ADCY5: variants seen among roughly 807,000 people sequenced by gnomAD.
The protein encoded by ADCY5 is adenylate cyclase type 5.
Under a neutral mutation model 119.7 loss-of-function variants are expected in ADCY5, and 30 were observed. That is an observed-to-expected ratio of 0.25 (90% CI 0.19 to 0.34). The LOEUF (loss-of-function observed/expected upper bound fraction) is 0.34, where lower values mean the gene tolerates loss of function less well. Among genes scored for constraint, ADCY5 ranks in the 10% least tolerant of loss-of-function variants. The pLI, the probability that ADCY5 is intolerant of heterozygous loss-of-function variation, is 1.00. For synonymous variants in ADCY5, 753 were observed against 762.2 expected (o/e 0.99, Z 0.20); for missense variants, 1,324 against 1,775.2 (o/e 0.75, Z 4.57).
At position 123,286,664 on chromosome 3, in the gene ADCY5, G is replaced by A; in HGVS notation, c.3657+21C>T. 2.5e-6 allele frequency: 4 copies of A among 1,591,586 alleles called. No individual in the cohort carries two copies. The highest frequency in any genetic ancestry group is 1.7e-4 in the Middle Eastern group (1 of 5,924). ...CAGGACCTCCCATGGGGTGAGGGGTGGTGGATGCTCCTGCACTCACCTGGA... is the reference window on the plus strand; with the variant it reads ...CAGGACCTCCCATGGGGTGAGGGGTAGTGGATGCTCCTGCACTCACCTGGA... On this transcript the variant is annotated intron_variant, in intron 20 of 20. Transcript: ENST00000462833. The surrounding 1 kb of genome is among the most constrained non-coding windows in gnomAD (Gnocchi z 4.2).
In ADCY5 at chr3:123,448,431, C is replaced by A; in HGVS notation, c.115G>T (p.Ala39Ser). Residue 39 changes from alanine (A) to serine (S), a missense_variant, in exon 1 of 21, where the codon GCG becomes TCG. Physicochemically the swap from Ala to Ser is moderately conservative, Grantham distance 99 (BLOSUM62 1). Transcript: ENST00000462833. ...CCGGGGGCATGGGGGTAGCCATTCG[C>A]GCGGGAATCGGCCTCGCCCCACGCA... is the stretch of plus-strand genomic sequence containing the variant. ...RSAWGEADSR[A>S]NGYPHAPGGS... The A allele has an allele frequency of 1.5e-6, 2 of 1,359,422 alleles. No homozygotes were observed. The highest frequency in any genetic ancestry group is 1.9e-6 in the Non-Finnish European group (2 of 1,058,312). The allele number at this position is 1,359,422 out of a possible 1,614,324, so 84.2% of individuals were successfully genotyped here. A position where few individuals can be genotyped will look rare whatever the true frequency, so the allele number is the denominator to read the frequency against.
chr3:123,291,699 T>A lies in ADCY5; in HGVS notation c.3064-323A>T, dbSNP rs539384305. ...CCTGGAGGTGAGGCTGCAAGGATCC[T>A]GTCTGCCAAAGGCCAGAACCAGGCT... On this transcript the variant is annotated intron_variant, in intron 17 of 20. Coordinates refer to ENST00000462833, the MANE Select transcript of ADCY5 (RefSeq NM_183357.3). 2.6e-5 allele frequency among the ~76,000 whole-genome samples: 4 copies of A among 152,310 alleles called. No homozygotes were observed. The South Asian group carries it at 8.3e-4, about 32-fold the overall frequency.
At chr3:123,320,581 T>G (rs1355105934) in intron 9 of ADCY5, among the ~76,000 whole-genome samples, 168 bp downstream of exon 9, 2 of 152,208 alleles carry the variant, frequency 1.3e-5, no homozygotes, top group Non-Finnish European at 2.9e-5. Flanking sequence ...CTGGCCTGTC[T>G]GGGGCTGCTG....
chr3:123,390,579 C>T (rs1944375517), intron 1 of ADCY5, among the ~76,000 whole-genome samples: 1 of 152,160 alleles, frequency 6.6e-6, no homozygotes, highest in Non-Finnish European at 1.5e-5. Flanking sequence ...TTTCAGAGGC[C>T]CAAAGGAAGA....
chr3:123,370,790 CT>C (rs1184131317), intron 1 of ADCY5, among the ~76,000 whole-genome samples: 2 of 152,174 alleles, frequency 1.3e-5, no homozygotes, highest in Non-Finnish European at 2.9e-5. Context: ...TGGCAAGCCC[CT>C]ATCCCATCCC....
intron 19 of ADCY5, among the ~76,000 whole-genome samples, chr3:123,289,060 A>G (rs890657100): frequency 1.3e-5 from 2 of 152,260 alleles, no homozygotes; most frequent in African/African-American, 4.8e-5. Flanking sequence ...TAAAAAGAGT[A>G]AAAAGTAACT....
chr3:123,429,943 G>A (rs981732108), intron 1 of ADCY5, among the ~76,000 whole-genome samples: 6 of 152,066 alleles, frequency 3.9e-5, no homozygotes, highest in Admixed American at 3.9e-4. Flanking sequence ...CAGCAGGAGT[G>A]TCAGCGGGGG....
rs75478304 is a variant in ADCY5, at chr3:123,326,218, C to T, written c.1948-756G>A. On this transcript the variant is annotated intron_variant, in intron 7 of 20. Coordinates refer to ENST00000462833, the MANE Select transcript of ADCY5 (RefSeq NM_183357.3). ...TTTGGGTCAGTGAAGTTATGAGATTCAAGAGCTGACAGGCATTGTACAAAT... is the reference window on the plus strand; with the variant it reads ...TTTGGGTCAGTGAAGTTATGAGATTTAAGAGCTGACAGGCATTGTACAAAT... Among the ~76,000 whole-genome samples, 492 of 152,354 alleles carry T rather than the reference C, an allele frequency of 3.2e-3. 2 individuals are homozygous for T. Among genetic ancestry groups the T allele is most frequent in the African/African-American group, 0.011 (478 of 41,574 alleles).
Position 123,379,085 on chromosome 3 carries a change from C to T in ADCY5, c.1135-26504G>A, listed in dbSNP as rs74895836. Among the ~76,000 whole-genome samples the T allele has an allele frequency of 7.3e-3, 1,117 of 152,210 alleles. 8 individuals are homozygous for T. The highest frequency in any genetic ancestry group is 0.026 in the African/African-American group (1,067 of 41,520). On this transcript the variant is annotated intron_variant, in intron 1 of 20. Coordinates refer to ENST00000462833, the MANE Select transcript of ADCY5 (RefSeq NM_183357.3). ...AGTTTCCACGAAGGCTGAGATTCTC[C>T]AAGCTGCATGAAGTCCTGGGGACTG...
At chr3:123,446,686 C>T (rs1945821217) in intron 1 of ADCY5, among the ~76,000 whole-genome samples, 1 of 152,174 alleles carries the variant, frequency 6.6e-6, no homozygotes, top group South Asian at 2.1e-4. Flanking sequence ...ATAAAATGTC[C>T]CTACCACAAG....
chr3:123,347,387 T>G (rs1182689354), intron 3 of ADCY5, among the ~76,000 whole-genome samples: 1 of 152,134 alleles, frequency 6.6e-6, no homozygotes, highest in African/African-American at 2.4e-5. Context: ...CGCACTGGCT[T>G]AGGAGGCATG....
At chr3:123,433,804 C>A (rs547977690) in intron 1 of ADCY5, among the ~76,000 whole-genome samples, 1 of 152,136 alleles carries the variant, frequency 6.6e-6, no homozygotes, top group African/African-American at 2.4e-5. Flanking sequence ...ACGGGCTGTG[C>A]GGCAGCCTCA....
chr3:123,336,236 G>A (rs1428962182), intron 3 of ADCY5, among the ~76,000 whole-genome samples: 2 of 152,288 alleles, frequency 1.3e-5, no homozygotes, highest in East Asian at 3.9e-4. Flanking sequence ...CTGCCTCCCA[G>A]GCACCTGCCC....
At chr3:123,302,219 C>G (rs1379169383) in intron 14 of ADCY5, among the ~76,000 whole-genome samples, 4 of 152,264 alleles carry the variant, frequency 2.6e-5, no homozygotes, top group Admixed American at 2.6e-4. Flanking sequence ...AGCCCAGCTG[C>G]TGACAGCGAA....
intron 3 of ADCY5, among the ~76,000 whole-genome samples, chr3:123,334,402 T>C (rs1430133409): frequency 6.6e-6 from 1 of 152,216 alleles, no homozygotes; most frequent in Admixed American, 6.5e-5. Flanking sequence ...GAACTAAACA[T>C]ATTTTGTCCT....
At chr3:123,365,893 G>A (rs1468326334) in intron 1 of ADCY5, among the ~76,000 whole-genome samples, 2 of 152,044 alleles carry the variant, frequency 1.3e-5, no homozygotes, top group African/African-American at 4.8e-5. Flanking sequence ...GGCAGAGGGA[G>A]GGGAGGGGCC....
At chr3:123,396,768 AG>A (rs1944592749) in intron 1 of ADCY5, among the ~76,000 whole-genome samples, 1 of 99,314 alleles carries the variant, frequency 1.0e-5, no homozygotes, top group African/African-American at 3.9e-5. Flanking sequence ...GAAGGAAGGA[AG>A]GAAGGAAGGA....
intron 8 of ADCY5, among the ~76,000 whole-genome samples, chr3:123,324,461 C>T (rs907400731): frequency 1.0e-3 from 119 of 116,032 alleles, no homozygotes; most frequent in African/African-American, 4.0e-3. Flanking sequence ...CACACACACA[C>T]ACACACACAG....
At chr3:123,388,851 C>T (rs1944314854) in intron 1 of ADCY5, among the ~76,000 whole-genome samples, 1 of 152,086 alleles carries the variant, frequency 6.6e-6, no homozygotes, top group East Asian at 1.9e-4. Flanking sequence ...GGCACATACG[C>T]TGAGAACTAT....
Sources: gnomAD v4.1 joint callset for allele counts (sites outside exome capture counted in the v4.1 genomes callset) on GRCh38, gnomAD v4.1.1 for gene constraint, Gnocchi (gnomAD v3.1) non-coding constraint, MANE v1.5 for transcripts, NCBI Gene and HGNC (gene_info 2026-07-23, HGNC 2026-07-21) for gene names.